The following RBFOX1 variants were observed in gnomAD, a reference collection of about 807,000 sequenced individuals.
The protein encoded by RBFOX1 is RNA binding protein fox-1 homolog 1.
Under a neutral mutation model 57.7 loss-of-function variants are expected in RBFOX1, and 8 were observed. That is an observed-to-expected ratio of 0.14 (90% CI 0.08 to 0.25). The LOEUF (loss-of-function observed/expected upper bound fraction) is 0.25, where lower values mean the gene tolerates loss of function less well. RBFOX1 is among the 10% of genes least tolerant of loss of function. The pLI is 1.00. For synonymous variants in RBFOX1, 326 were observed against 222.4 expected (o/e 1.47, Z -4.15); for missense variants, 611 against 548.5 (o/e 1.11, Z -1.14).
At chr16:5,409,343 G>A (rs1376540184) in intron 1 of RBFOX1, among the ~76,000 whole-genome samples, 1 of 152,142 alleles carries the variant, frequency 6.6e-6, no homozygotes, top group African/African-American at 2.4e-5. Flanking sequence ...CCTTCAAGGT[G>A]GTGTCTCATC....
chr16:5,756,678 C>A (rs2053408841), intron 3 of RBFOX1, among the ~76,000 whole-genome samples: 1 of 152,154 alleles, frequency 6.6e-6, no homozygotes, highest in Non-Finnish European at 1.5e-5. Flanking sequence ...TAACTAATTT[C>A]CTCAATTTGT....
rs988515296 is a variant in RBFOX1 at position 6,913,904 on chromosome 16, A to G, written c.-15-138153A>G. ...TGCCAGTCTCAACTGTGTAACTTTT[A>G]TAAAGCAAACACTAAAGGCCTCTTG... On this transcript the variant is annotated intron_variant, in intron 3 of 15. Coordinates refer to ENST00000550418, the MANE Select transcript of RBFOX1 (RefSeq NM_018723.4). Among the ~76,000 whole-genome samples the G allele has an allele frequency of 5.3e-5, 8 of 152,218 alleles. No homozygotes were observed. In the South Asian group the frequency reaches 1.7e-3, roughly 31 times the overall value.
Position 6,767,947 on chromosome 16 carries a change from T to TAAGAAGAAGAAGAAG in RBFOX1, c.-16+113324_-16+113338dup, listed in dbSNP as rs71145291. Among the ~76,000 whole-genome samples the TAAGAAGAAGAAGAAG allele has an allele frequency of 2.6e-3, 267 of 101,000 alleles. 1 individual carries two copies. Among genetic ancestry groups the TAAGAAGAAGAAGAAG allele is most frequent in the African/African-American group, 5.7e-3 (135 of 23,498 alleles). 66.3% of individuals were successfully genotyped at this position (101,000 alleles called of 152,430 possible). On this transcript the variant is annotated intron_variant, in intron 3 of 15. Coordinates refer to ENST00000550418, the MANE Select transcript of RBFOX1 (RefSeq NM_018723.4). ...ATAATAATAATAATAATAATAATAA[T>TAAGAAGAAGAAGAAG]AAGAAGAAGAAGAAGAAGAAGAAGA... is the stretch of plus-strand genomic sequence containing the variant.
chr16:6,170,132 T>A (rs951779529), intron 1 of RBFOX1, among the ~76,000 whole-genome samples: 2 of 152,120 alleles, frequency 1.3e-5, no homozygotes, highest in African/African-American at 2.4e-5. Flanking sequence ...TCAGGCCACA[T>A]TTAGTTTGCT....
At chr16:5,968,442 G>C (rs1039121672) in intron 4 of RBFOX1, among the ~76,000 whole-genome samples, 1 of 152,186 alleles carries the variant, frequency 6.6e-6, no homozygotes, top group South Asian at 2.1e-4. Context: ...GTTGTTTACA[G>C]TTTATATCCT....
chr16:6,943,073 T>C (rs936844707), intron 3 of RBFOX1, among the ~76,000 whole-genome samples: 2 of 152,164 alleles, frequency 1.3e-5, no homozygotes, highest in Admixed American at 6.5e-5. Flanking sequence ...TTAGATGCTG[T>C]TGGGATTCAG....
At chr16:6,761,068 C>G (rs543429910) in intron 3 of RBFOX1, among the ~76,000 whole-genome samples, 9 of 152,246 alleles carry the variant, frequency 5.9e-5, no homozygotes, top group African/African-American at 2.2e-4. Context: ...ATTAAATTAC[C>G]TATTGATTAG....
chr16:6,306,898 A>G (rs928411667), intron 1 of RBFOX1, among the ~76,000 whole-genome samples: 1 of 152,192 alleles, frequency 6.6e-6, no homozygotes, highest in African/African-American at 2.4e-5. Context: ...CTCTAGTTTC[A>G]TGATGGGATT....
At chr16:7,119,109 C>T (rs536200033) in intron 4 of RBFOX1, among the ~76,000 whole-genome samples, 6 of 152,110 alleles carry the variant, frequency 3.9e-5, no homozygotes, top group Admixed American at 1.3e-4. Context: ...GGAATCTAGG[C>T]AAGTGTTGCA....
chr16:6,709,952 G>C (rs1050542487), intron 3 of RBFOX1, among the ~76,000 whole-genome samples: 3 of 152,152 alleles, frequency 2.0e-5, no homozygotes, highest in Admixed American at 6.5e-5. Context: ...TGGCAATTTT[G>C]TGAGTTGGCA....
intron 2 of RBFOX1, among the ~76,000 whole-genome samples, chr16:6,611,814 T>G (rs2098060321): frequency 6.6e-6 from 1 of 152,084 alleles, no homozygotes; most frequent in Admixed American, 6.5e-5. Flanking sequence ...GAGTCCTCCC[T>G]CAGGGCCCTC....
At position 6,887,500 on chromosome 16, in the gene RBFOX1, A is replaced by C. The variant is rs185163921; in HGVS notation, c.-15-164557A>C. ...TCTGGCTTTTTCTATCCCTGGAATC[A>C]TTAATCATGTATATTAGGTGATTTC... On this transcript the variant is annotated intron_variant, in intron 3 of 15. Coordinates refer to ENST00000550418, the MANE Select transcript of RBFOX1 (RefSeq NM_018723.4). Among the ~76,000 whole-genome samples, 6 of 152,314 alleles carry C rather than the reference A, an allele frequency of 3.9e-5. No individual in the cohort carries two copies. The East Asian group carries it at 1.2e-3, about 29-fold the overall frequency.
intron 3 of RBFOX1, among the ~76,000 whole-genome samples, chr16:5,681,151 G>A (rs1004210718): frequency 6.6e-6 from 1 of 151,848 alleles, no homozygotes; most frequent in African/African-American, 2.4e-5. Context: ...TCGGCTCACT[G>A]CAAGCTCCAC....
In RBFOX1 at chr16:5,507,896, T is replaced by C. The variant is rs138658257; in HGVS notation, c.258+40642T>C. ...GAGTGTGGCCCTGCTGACACCTCCA[T>C]CTTAGAGTTCTGCCCTCCAGCATGA... is the stretch of plus-strand genomic sequence containing the variant. On this transcript the variant is annotated intron_variant, in intron 2 of 2. Transcript: ENST00000585867. 2.0e-3 allele frequency among the ~76,000 whole-genome samples: 307 copies of C among 152,210 alleles called. 2 individuals are homozygous for C. Among genetic ancestry groups the C allele is most frequent in the African/African-American group, 7.1e-3 (293 of 41,536 alleles).
intron 3 of RBFOX1, among the ~76,000 whole-genome samples, chr16:6,872,465 T>G (rs547363241): frequency 1.3e-5 from 2 of 152,212 alleles, no homozygotes; most frequent in Non-Finnish European, 2.9e-5. Flanking sequence ...AGGAAACAGC[T>G]GAATTAGCCC....
chr16:7,223,287 G>A (rs11077153), intron 4 of RBFOX1, among the ~76,000 whole-genome samples: 42,065 of 152,156 alleles, frequency 0.28, 7,471 homozygotes, highest in East Asian at 0.66. Context: ...GAAACCCTGG[G>A]TGTCTCTTGA....
At chr16:5,396,474 C>G (rs1389491748) in intron 1 of RBFOX1, among the ~76,000 whole-genome samples, 6 of 152,096 alleles carry the variant, frequency 3.9e-5, no homozygotes, top group Non-Finnish European at 7.4e-5. Flanking sequence ...AACCCCATCT[C>G]TACTAAAAAT....
intron 3 of RBFOX1, among the ~76,000 whole-genome samples, chr16:6,775,404 T>C (rs1438741986): frequency 3.4e-5 from 5 of 148,258 alleles, no homozygotes; most frequent in Non-Finnish European, 6.0e-5. Flanking sequence ...ACCTCTCAGG[T>C]TGGGATTAGA....
At chr16:7,215,872 C>T (rs769831642) in intron 4 of RBFOX1, among the ~76,000 whole-genome samples, 3 of 152,074 alleles carry the variant, frequency 2.0e-5, no homozygotes, top group Non-Finnish European at 2.9e-5. Flanking sequence ...CTACAGGCGT[C>T]TGCCACGGCA....
Sources: allele counts gnomAD v4.1 joint callset (sites outside exome capture counted in the v4.1 genomes callset), GRCh38; gene constraint gnomAD v4.1.1; transcripts MANE v1.5; gene names NCBI Gene and HGNC (gene_info 2026-07-23, HGNC 2026-07-21).